The following LILRB1 variants were observed in gnomAD, a reference collection of about 807,000 sequenced individuals.
LILRB1 encodes leukocyte immunoglobulin like receptor B1, also known as leukocyte immunoglobulin-like receptor subfamily B member 1.
In LILRB1, 59 loss-of-function variants were observed where a neutral mutation model predicts 74.6. That is an observed-to-expected ratio of 0.79 (90% confidence interval 0.64 to 0.98). The LOEUF is 0.98. LILRB1 is among the 50% of genes least tolerant of loss of function. The pLI is 0.00. For missense variants in LILRB1, 804 were observed against 822.6 expected, an observed-to-expected ratio of 0.98 and a Z score of 0.28; for synonymous variants, 328 against 333.9, an observed-to-expected ratio of 0.98 and a Z score of 0.19.
chr19:54,633,346 A>C (rs2064088211), intron 7 of LILRB1, 28 bp downstream of exon 7: 1 of 1,601,698 alleles, frequency 6.2e-7, no homozygotes, highest in Non-Finnish European at 8.5e-7. Flanking sequence ...GTCCTCTCTG[A>C]GCTCAAAGTC....
chr19:54,629,331 C>T (rs557785033), upstream of LILRB1, among the ~76,000 whole-genome samples: 16 of 152,252 alleles, frequency 1.1e-4, no homozygotes, highest in East Asian at 3.1e-3. Context: ...AGATCATATT[C>T]TCTAGGGGTT....
intron 13 of LILRB1, chr19:54,636,183 C>A: frequency 6.9e-6 from 4 of 579,884 alleles, no homozygotes; most frequent in Non-Finnish European, 9.8e-6. Context: ...GAAGCCTGGA[C>A]AGAGTGGGGC....
At chr19:54,621,928 C>CT (rs553284432) in intron 1 of LILRB1, among the ~76,000 whole-genome samples, 142 of 152,234 alleles carry the variant, frequency 9.3e-4, no homozygotes, top group African/African-American at 3.3e-3. Context: ...TTCCAGCATC[C>CT]TTTATTGAAT....
Position 54,632,713 on chromosome 19 carries a change from C to T in LILRB1, c.911C>T (p.Ser304Phe), listed in dbSNP as rs369922489. ...AGATGCTACGGTGCACACAACCTCTCCTCCGAGTGGTCGGCCCCCAGCGAC... is the reference window on the plus strand; with the variant it reads ...AGATGCTACGGTGCACACAACCTCTTCTCCGAGTGGTCGGCCCCCAGCGAC... ...QYRCYGAHNL[S>F]SEWSAPSDPL... Residue 304 changes from serine to phenylalanine, a missense_variant, in exon 6 of 15, where the codon TCC (serine) becomes TTC (phenylalanine). Transcript: ENST00000324602. 3.7e-6 allele frequency: 6 copies of T among 1,612,510 alleles called. No homozygotes were observed. Among genetic ancestry groups the T allele is most frequent in the Non-Finnish European group, 5.1e-6 (6 of 1,179,966 alleles).
Position 54,631,748 on chromosome 19 carries a change from C to T in LILRB1, c.319C>T (p.Arg107Cys), listed in dbSNP as rs138410838. 4,764 of 1,611,634 alleles carry T rather than the reference C, an allele frequency of 3.0e-3. 1 individual carries two copies. In the African/African-American group the frequency reaches 0.058, roughly 20 times the overall value. The change falls in exon 4 of 15, where the codon CGC becomes TGC. Residue 107 changes from arginine (R) to cysteine (C), a missense_variant. Physicochemically the swap from Arg to Cys is radical, Grantham distance 180 (BLOSUM62 -3). Transcript: ENST00000324602. ...TTACTATGGTAGCGACACTGCAGGC[C>T]GCTCAGAGAGCAGTGACCCCCTGGA... is the stretch of plus-strand genomic sequence containing the variant. The part of the protein sequence containing the change: ...RCYYGSDTAG[R>C]SESSDPLELV...
rs8101240 is a variant in LILRB1 at position 54,636,880 on chromosome 19, C to T, written c.*2C>T. On this transcript the variant is annotated 3_prime_UTR_variant, in exon 15 of 15. Coordinates refer to ENST00000324602, the MANE Select transcript of LILRB1 (RefSeq NM_001081637.3). The stretch of plus-strand genomic sequence containing the variant: ...TACGCCACTCTGGCCATCCACTAGC[C>T]CAGGGGGGGACGCAGACCCCACACT... 0.15 allele frequency: 243,156 copies of T among 1,613,340 alleles called. 19,341 individuals carry two copies. The highest frequency in any genetic ancestry group is 0.19 in the African/African-American group (13,923 of 74,830).
exon 1 of LILRB1, chr19:54,617,174 A>G (rs1320140068): frequency 6.6e-6 from 1 of 152,318 alleles, no homozygotes; most frequent in Non-Finnish European, 1.5e-5. Flanking sequence ...AGAGGAGAGG[A>G]GAGGAGGAAC....
intron 10 of LILRB1, 165 bp from the exon 11 acceptor site, chr19:54,634,939 C>T (rs2064261429): frequency 6.9e-7 from 1 of 1,440,240 alleles, no homozygotes; most frequent in African/African-American, 1.4e-5. Flanking sequence ...GGGCTCAGTG[C>T]CATCTACAAA....
Position 54,631,499 on chromosome 19 carries a change from G to A in LILRB1, c.71-1G>A. On this transcript the variant is annotated splice_acceptor_variant, in intron 3 of 14. Coordinates refer to ENST00000324602, the MANE Select transcript of LILRB1 (RefSeq NM_001081637.3). LOFTEE classifies it high-confidence loss of function. ...GAATCTGACTCCTGATTTCCTTCCA[G>A]GGCACCTCCCCAAGCCCACCCTCTG... The A allele has an allele frequency of 6.2e-7, 1 of 1,607,032 alleles. No individual in the cohort carries two copies. Among genetic ancestry groups the A allele is most frequent in the Non-Finnish European group, 8.5e-7 (1 of 1,176,020 alleles).
At chr19:54,636,444 CA>C in intron 13 of LILRB1, 49 bp from the exon 14 acceptor site, 3 of 1,600,622 alleles carry the variant, frequency 1.9e-6, no homozygotes, top group Non-Finnish European at 2.6e-6. Flanking sequence ...AAATTGACTC[CA>C]GGGGGTCAGG....
chr19:54,631,466 A>T (rs1268822157), intron 3 of LILRB1, 34 bp from the exon 4 acceptor site: 1 of 1,597,808 alleles, frequency 6.3e-7, no homozygotes, highest in African/African-American at 1.3e-5. Flanking sequence ...TGGGTGGGAA[A>T]TGAGTTAGAA....
intron 1 of LILRB1, among the ~76,000 whole-genome samples, chr19:54,618,509 G>T (rs2063372012): frequency 1.3e-5 from 2 of 152,134 alleles, no homozygotes; most frequent in South Asian, 4.1e-4. Context: ...TTCCATAAGG[G>T]TTATAAAACT....
At position 54,636,506 on chromosome 19, in the gene LILRB1, G is replaced by T. The variant is rs749778011; in HGVS notation, c.1666G>T (p.Asp556Tyr). 6.2e-7 allele frequency: 1 copy of T among 1,611,366 alleles called. No homozygotes were observed. Residue 556 changes from aspartate to tyrosine, a missense_variant, in exon 14 of 15, where the codon GAT (aspartate) becomes TAT (tyrosine). Physicochemically the swap from Asp to Tyr is radical, Grantham distance 160 (BLOSUM62 -3). Coordinates refer to ENST00000324602, the MANE Select transcript of LILRB1 (RefSeq NM_001081637.3). ...VEMDTRQSPH[D>Y]EDPQAVTYAE... Reference sequence around the variant, plus strand: ...TGTCTCTCTCCAGCAGAGCCCACACGATGAAGACCCCCAGGCAGTGACGTA... The same window carrying T: ...TGTCTCTCTCCAGCAGAGCCCACACTATGAAGACCCCCAGGCAGTGACGTA...
At chr19:54,636,076 G>A (rs1353419772) in intron 13 of LILRB1, 2 of 547,410 alleles carry the variant, frequency 3.7e-6, no homozygotes, top group African/African-American at 3.8e-5. Context: ...AGTGCAACGT[G>A]CTGTAAGGAA....
intron 2 of LILRB1, 56 bp from the exon 3 acceptor site, chr19:54,631,215 G>A (rs1213498397): frequency 1.2e-6 from 2 of 1,613,958 alleles, no homozygotes; most frequent in East Asian, 2.2e-5. Flanking sequence ...TCCCAGGGAG[G>A]GGAGGACCTG....
upstream of LILRB1, chr19:54,630,475 T>A (rs561581386): frequency 5.4e-4 from 217 of 403,336 alleles, no homozygotes; most frequent in African/African-American, 4.4e-3. Context: ...TTTTCTTCCC[T>A]ATTTCCCTGC....
At chr19:54,633,765 T>G in intron 8 of LILRB1, 77 bp downstream of exon 8, 1 of 1,516,856 alleles carries the variant, frequency 6.6e-7, no homozygotes, top group Non-Finnish European at 8.9e-7. Context: ...GAGAATCCCA[T>G]TCCCCTCAAA....
chr19:54,617,836 T>C (rs2063350232), intron 1 of LILRB1, among the ~76,000 whole-genome samples: 1 of 152,028 alleles, frequency 6.6e-6, no homozygotes, highest in African/African-American at 2.4e-5. Context: ...GCGTGGTGGC[T>C]CACACTTGTA....
At chr19:54,624,977 G>A (rs2063542758) in intron 1 of LILRB1, among the ~76,000 whole-genome samples, 1 of 125,698 alleles carries the variant, frequency 8.0e-6, no homozygotes, top group Non-Finnish European at 1.9e-5. Flanking sequence ...CTGGAGACTG[G>A]CAGCTGTGAG....
Sources: gnomAD v4.1 joint callset for allele counts (sites outside exome capture counted in the v4.1 genomes callset) on GRCh38, gnomAD v4.1.1 for gene constraint, MANE v1.5 for transcripts, NCBI Gene and HGNC (gene_info 2026-07-23, HGNC 2026-07-21) for gene names.